COL6A2: variants seen among roughly 807,000 people sequenced by gnomAD.
The protein encoded by COL6A2 is collagen alpha-2(VI) chain.
A neutral mutation model predicts 124.9 loss-of-function variants in COL6A2; 90 were observed. The ratio of observed to expected loss-of-function variants is 0.72; its 90% confidence interval spans 0.61 to 0.86. The LOEUF is 0.86. Among genes scored for constraint, COL6A2 ranks in the 40% least tolerant of loss-of-function variants. The pLI is 0.00. For missense variants in COL6A2, 1,607 were observed against 1,502.5 expected (o/e 1.07, Z -1.15); for synonymous variants, 793 against 618.2 (o/e 1.28, Z -4.19).
chr21:46,102,706 ATTT>A (rs35972772), intron 1 of COL6A2, among the ~76,000 whole-genome samples: 2 of 147,184 alleles, frequency 1.4e-5, no homozygotes, highest in East Asian at 2.0e-4. Flanking sequence ...ACATTGATTG[ATTT>A]TTTTTTTTTT....
chr21:46,113,949 C>A, intron 4 of COL6A2, 59 bp from the exon 5 acceptor site: 1 of 1,420,728 alleles, frequency 7.0e-7, no homozygotes, highest in Non-Finnish European at 1.0e-6. Context: ...GAGACCCTGC[C>A]CTGCCACCTG....
intron 27 of COL6A2, chr21:46,129,921 A>G (rs917998081): frequency 5.6e-6 from 5 of 894,020 alleles, no homozygotes; most frequent in Non-Finnish European, 6.7e-6. Flanking sequence ...TGCGTCTGGG[A>G]TGGGGCTGAG....
chr21:46,113,509 T>C (rs1472594492), intron 4 of COL6A2: 1 of 155,374 alleles, frequency 6.4e-6, no homozygotes, highest in Admixed American at 6.3e-5. Flanking sequence ...CCCAAGTAGC[T>C]GGGACTACAG....
chr21:46,118,483 T>A, intron 12 of COL6A2, 131 bp from the exon 13 acceptor site: 4 of 822,574 alleles, frequency 4.9e-6, no homozygotes, highest in South Asian at 3.0e-5. Flanking sequence ...GCATCTGGCA[T>A]CCCAGGTGCC....
intron 27 of COL6A2, chr21:46,129,742 G>A (rs1315762944): frequency 7.3e-7 from 1 of 1,363,846 alleles, no homozygotes; most frequent in Non-Finnish European, 9.4e-7. Context: ...TAAGAACCCT[G>A]GTCATTGAAT....
rs869028897 is a variant in COL6A2 at position 46,099,889 on chromosome 21, C to CTTTTTTTTTTTT, written c.-28+1728_-28+1739dup. Reference sequence around the variant, plus strand: ...TCTCCACAATGGATAGCAGCACTGTCTTTTTTTTTTTTTTTTTTTTTTTCT... The same window carrying CTTTTTTTTTTTT: ...TCTCCACAATGGATAGCAGCACTGTCTTTTTTTTTTTTTTTTTTTTTTTTTTTTTTTTTTTCT... On this transcript the variant is annotated intron_variant, in intron 1 of 27. Transcript: ENST00000300527. 1.8e-3 allele frequency among the ~76,000 whole-genome samples: 162 copies of CTTTTTTTTTTTT among 91,814 alleles called. 5 individuals are homozygous for CTTTTTTTTTTTT. The highest frequency in any genetic ancestry group is 2.4e-3 in the East Asian group (6 of 2,538). The allele number at this position is 91,814 out of a possible 152,430, so 60.2% of individuals were successfully genotyped here.
chr21:46,126,476 T>TGGCCTGGCCCGGCCCGGCCC (rs1555876003), intron 26 of COL6A2, 27 bp from the exon 27 acceptor site: 9 of 1,611,428 alleles, frequency 5.6e-6, no homozygotes, highest in South Asian at 1.1e-5. Flanking sequence ...GACCCTGGCC[T>TGGCCTGGCCCGGCCCGGCCC]GGCCCGGCCT....
At chr21:46,104,702 G>A (rs761891684) in intron 1 of COL6A2, among the ~76,000 whole-genome samples, 2 of 152,138 alleles carry the variant, frequency 1.3e-5, no homozygotes, top group African/African-American at 2.4e-5. Flanking sequence ...GCTCCAAGCA[G>A]GATGAACTCA....
chr21:46,129,335 C>A (rs1216579120), intron 27 of COL6A2: 3 of 1,612,958 alleles, frequency 1.9e-6, no homozygotes, highest in Non-Finnish European at 2.5e-6. Flanking sequence ...CGGCCGCCTA[C>A]TCCCAGCTGG....
intron 1 of COL6A2, among the ~76,000 whole-genome samples, chr21:46,111,168 C>T (rs1453543482): frequency 6.6e-6 from 1 of 152,180 alleles, no homozygotes; most frequent in Admixed American, 6.5e-5. Context: ...TCCACCCAGC[C>T]CTGGAGGACA....
chr21:46,116,888 C>T lies in COL6A2; in HGVS notation c.999+74C>T, dbSNP rs142262873. 6.0e-5 allele frequency: 88 copies of T among 1,468,646 alleles called. No homozygotes were observed. In the African/African-American group the frequency reaches 8.7e-4, roughly 15 times the overall value. The allele number at this position is 1,468,646 out of a possible 1,614,324, so 91.0% of individuals were successfully genotyped here. On this transcript the variant is annotated intron_variant, in intron 10 of 27. Transcript: ENST00000300527. The surrounding 1 kb of genome is among the most constrained non-coding windows in gnomAD (Gnocchi z 4.6). ...CCAGCCTCTGCAGGGCCCCCAGATC[C>T]AGCCTGATCTGTCAGCTTACACATG...
chr21:46,122,770 A>G lies in COL6A2; in HGVS notation c.1609-105A>G, dbSNP rs377624461. The stretch of plus-strand genomic sequence containing the variant: ...AAAACCACATAGATGCTCCCGTTTA[A>G]AGGACCCCAAAATGCCAGATCGATT... On this transcript the variant is annotated intron_variant, in intron 20 of 27. Coordinates refer to ENST00000300527, the MANE Select transcript of COL6A2 (RefSeq NM_001849.4). 7.1e-5 allele frequency: 88 copies of G among 1,234,288 alleles called. 3 individuals are homozygous for G. The East Asian group carries it at 1.9e-3, about 26-fold the overall frequency. The allele number at this position is 1,234,288 out of a possible 1,614,324, so 76.5% of individuals were successfully genotyped here.
rs2123455277 is a variant in COL6A2 at position 46,132,238 on chromosome 21, C to T, written c.2746C>T (p.His916Tyr). The change falls in exon 28 of 28, where the codon CAC (histidine) becomes TAC (tyrosine). Residue 916 changes from histidine (H) to tyrosine (Y), a missense_variant. Coordinates refer to ENST00000300527, the MANE Select transcript of COL6A2 (RefSeq NM_001849.4). ...ETTQYLNSFS[H>Y]VGAGVVHAIN... ...CACACAATACCTGAACTCCTTCTCG[C>T]ACGTGGGCGCAGGCGTGGTGCACGC... 5 of 1,601,624 alleles carry T rather than the reference C, an allele frequency of 3.1e-6. No homozygotes were observed. The highest frequency in any genetic ancestry group is 4.3e-6 in the Non-Finnish European group (5 of 1,175,768).
chr21:46,100,706 T>A (rs2078279587), intron 1 of COL6A2, among the ~76,000 whole-genome samples: 1 of 152,192 alleles, frequency 6.6e-6, no homozygotes, highest in South Asian at 2.1e-4. Context: ...TCCAGATTGA[T>A]CCACACTGTA....
chr21:46,124,511 C>A lies in COL6A2; in HGVS notation c.1672-140C>A, dbSNP rs555556117. 96 of 736,138 alleles carry A rather than the reference C, an allele frequency of 1.3e-4. No individual in the cohort carries two copies. The South Asian group carries it at 1.3e-3, about 10-fold the overall frequency. The allele number at this position is 736,138 out of a possible 1,614,324, so 45.6% of individuals were successfully genotyped here. A position where few individuals can be genotyped will look rare whatever the true frequency, so the allele number is the denominator to read the frequency against. ...CAGCATAGGGAAGGAGGAGGCACAGCCTTGTCTTACTCCTTGCACCTGTTA... is the reference window on the plus strand; with the variant it reads ...CAGCATAGGGAAGGAGGAGGCACAGACTTGTCTTACTCCTTGCACCTGTTA... On this transcript the variant is annotated intron_variant, in intron 21 of 27. Transcript: ENST00000300527.
At chr21:46,129,556 C>G in intron 27 of COL6A2, 1 of 1,478,206 alleles carries the variant, frequency 6.8e-7, no homozygotes, top group East Asian at 2.4e-5. Flanking sequence ...GGGCTGCCCC[C>G]GACAGGCTGG....
At chr21:46,130,549 G>A (rs576828846) in intron 27 of COL6A2, among the ~76,000 whole-genome samples, 3 of 152,240 alleles carry the variant, frequency 2.0e-5, no homozygotes, top group South Asian at 2.1e-4. Flanking sequence ...TCCACAGGAG[G>A]AGGAGAGCAG....
chr21:46,112,126 A>G lies in COL6A2; in HGVS notation c.263A>G (p.Asp88Gly), dbSNP rs760759735. 1.7e-5 allele frequency: 27 copies of G among 1,613,038 alleles called. No individual in the cohort carries two copies. Among genetic ancestry groups the G allele is most frequent in the Non-Finnish European group, 1.4e-5 (16 of 1,180,032 alleles). Residue 88 changes from aspartate (D) to glycine (G), a missense_variant, in exon 3 of 28, where the codon GAC (aspartate) becomes GGC (glycine). By Grantham distance (94) the Asp-to-Gly change is moderately conservative. Transcript: ENST00000300527. ...ISQLQNEFYL[D>G]QVALSWRYGG... ...CAGCTGCAGAACGAGTTCTACCTGG[A>G]CCAGGTGGCGCTGAGCTGGCGCTAC...
chr21:46,114,158 G>A (rs568719611), intron 5 of COL6A2, 85 bp downstream of exon 5: 2 of 1,157,512 alleles, frequency 1.7e-6, no homozygotes, highest in East Asian at 4.7e-5. Context: ...CGGGCGTGGT[G>A]GCTCATACCT....
Sources: allele counts gnomAD v4.1 joint callset (sites outside exome capture counted in the v4.1 genomes callset), GRCh38; gene constraint gnomAD v4.1.1; non-coding constraint Gnocchi (gnomAD v3.1); transcripts MANE v1.5; gene names NCBI Gene and HGNC (gene_info 2026-07-23, HGNC 2026-07-21).